RBFOX1: variants seen among roughly 807,000 people sequenced by gnomAD.
RBFOX1 encodes RNA binding fox-1 homolog 1.
Under a neutral mutation model 57.7 loss-of-function variants are expected in RBFOX1, and 8 were observed. The observed-to-expected ratio is 0.14, with a 90% CI of 0.08 to 0.25. The LOEUF is 0.25. Ranked by LOEUF, RBFOX1 falls within the 10% of genes least tolerant of loss-of-function variation. The pLI, the probability that RBFOX1 is intolerant of heterozygous loss-of-function variation, is 1.00. For synonymous variants in RBFOX1, 326 were observed against 222.4 expected (o/e 1.47, Z -4.15); for missense variants, 611 against 548.5 (o/e 1.11, Z -1.14).
chr16:7,086,166 C>A (rs1163023320), intron 4 of RBFOX1, among the ~76,000 whole-genome samples: 2 of 152,138 alleles, frequency 1.3e-5, no homozygotes, highest in Admixed American at 1.3e-4. Flanking sequence ...TACTCGCCAC[C>A]CGTCTCATGC....
intron 2 of RBFOX1, among the ~76,000 whole-genome samples, chr16:6,550,827 T>A (rs2096976758): frequency 6.6e-6 from 1 of 152,244 alleles, no homozygotes; most frequent in Admixed American, 6.5e-5. Context: ...GCACTTCACA[T>A]TGATTAGAAC....
chr16:6,415,242 C>CAAAAAA (rs57296761), intron 2 of RBFOX1, among the ~76,000 whole-genome samples: 1 of 102,070 alleles, frequency 9.8e-6, no homozygotes. Context: ...AACTCTGTCA[C>CAAAAAA]AAAAAAAAAA....
At chr16:6,665,232 A>G (rs778038392) in intron 3 of RBFOX1, among the ~76,000 whole-genome samples, 1 of 145,564 alleles carries the variant, frequency 6.9e-6, no homozygotes, top group Non-Finnish European at 1.6e-5. Flanking sequence ...TCACTTAGCT[A>G]TAAAGGGCGA....
In RBFOX1 at chr16:6,063,578, C is replaced by T. The variant is rs184665945; in HGVS notation, c.-127+43586C>T. Among the ~76,000 whole-genome samples the T allele has an allele frequency of 1.1e-3, 167 of 152,002 alleles. 1 individual carries two copies. Among genetic ancestry groups the T allele is most frequent in the African/African-American group, 3.4e-3 (143 of 41,458 alleles). ...CTGTTAACACCCACCACCAAAACTA[C>T]ATCCTGGGTCCTCTCCACACTGCAG... On this transcript the variant is annotated intron_variant, in intron 1 of 15. Coordinates refer to ENST00000550418, the MANE Select transcript of RBFOX1 (RefSeq NM_018723.4).
At chr16:6,748,427 G>A (rs942223329) in intron 3 of RBFOX1, among the ~76,000 whole-genome samples, 15 of 152,092 alleles carry the variant, frequency 9.9e-5, no homozygotes, top group Admixed American at 3.9e-4. Flanking sequence ...TTGGAAGGCC[G>A]AGGCAGGAGG....
chr16:6,934,181 A>T (rs1169310905), intron 3 of RBFOX1, among the ~76,000 whole-genome samples: 1 of 152,110 alleles, frequency 6.6e-6, no homozygotes, highest in Non-Finnish European at 1.5e-5. Context: ...GTATGTGCAT[A>T]CCTAGCTGCA....
intron 3 of RBFOX1, among the ~76,000 whole-genome samples, chr16:6,925,518 T>TC (rs1243803064): frequency 6.6e-6 from 1 of 150,800 alleles, no homozygotes; most frequent in African/African-American, 2.5e-5. Context: ...AATGTAAATT[T>TC]CCGGGGGGGC....
intron 4 of RBFOX1, among the ~76,000 whole-genome samples, chr16:5,930,946 G>A: frequency 7.0e-6 from 1 of 143,058 alleles, no homozygotes; most frequent in Non-Finnish European, 1.5e-5. Context: ...GGGTAGGTGG[G>A]TGGGTGGGAG....
At chr16:7,405,077 G>C (rs2098315279) in intron 4 of RBFOX1, among the ~76,000 whole-genome samples, 1 of 152,236 alleles carries the variant, frequency 6.6e-6, no homozygotes, top group African/African-American at 2.4e-5. Context: ...GGCAGTGCAT[G>C]CTTGCCAGGT....
chr16:6,648,068 C>A (rs964937870), intron 2 of RBFOX1, among the ~76,000 whole-genome samples: 1 of 152,136 alleles, frequency 6.6e-6, no homozygotes, highest in Non-Finnish European at 1.5e-5. Flanking sequence ...GTCTCAAACT[C>A]CTGGCCTCAA....
At chr16:6,402,094 G>GAAA (rs199794236) in intron 2 of RBFOX1, among the ~76,000 whole-genome samples, 8 of 98,418 alleles carry the variant, frequency 8.1e-5, no homozygotes, top group East Asian at 5.1e-4. Context: ...GAAGAAAACA[G>GAAA]AAAAAAAAAA....
chr16:5,513,437 G>A (rs1341019469), intron 2 of RBFOX1, among the ~76,000 whole-genome samples: 1 of 152,134 alleles, frequency 6.6e-6, no homozygotes, highest in East Asian at 1.9e-4. Flanking sequence ...TTGATCACCT[G>A]CCTGAAGCTG....
chr16:6,883,427 G>T (rs537301813), intron 3 of RBFOX1, among the ~76,000 whole-genome samples: 33 of 152,246 alleles, frequency 2.2e-4, no homozygotes, highest in African/African-American at 7.5e-4. Flanking sequence ...TAATGTGTTG[G>T]TTCATAGACA....
chr16:7,695,245 GGA>G (rs1241494930), intron 14 of RBFOX1, among the ~76,000 whole-genome samples: 1 of 152,108 alleles, frequency 6.6e-6, no homozygotes, highest in African/African-American at 2.4e-5. Context: ...GCATGAAAAA[GGA>G]GACACCCATA....
At chr16:6,673,964 A>G (rs1290901964) in intron 3 of RBFOX1, among the ~76,000 whole-genome samples, 1 of 152,176 alleles carries the variant, frequency 6.6e-6, no homozygotes, top group Non-Finnish European at 1.5e-5. Flanking sequence ...AGAACAAAGG[A>G]AGGAGACTCT....
chr16:7,012,918 G>T (rs1480253062), intron 3 of RBFOX1, among the ~76,000 whole-genome samples: 1 of 152,112 alleles, frequency 6.6e-6, no homozygotes, highest in Non-Finnish European at 1.5e-5. Context: ...TGCCAAGATG[G>T]TCAGGTCCTG....
chr16:6,492,426 G>T (rs992364610), intron 2 of RBFOX1, among the ~76,000 whole-genome samples: 2 of 152,224 alleles, frequency 1.3e-5, no homozygotes, highest in African/African-American at 4.8e-5. Context: ...AAATTTGCCA[G>T]GCTTGGTGGC....
At chr16:7,685,348 T>C (rs17766853) in intron 14 of RBFOX1, among the ~76,000 whole-genome samples, 19,086 of 152,168 alleles carry the variant, frequency 0.13, 1,526 homozygotes, top group Middle Eastern at 0.18. Flanking sequence ...GCTGAGTGAC[T>C]TCTTCCCTCT....
rs566051556 is a variant in RBFOX1, at chr16:6,930,257, C to T, written c.-15-121800C>T. Reference sequence around the variant, plus strand: ...AAAAGCAAACAAGCTGACTCAAAACCGAGCAGAGGATTTGAATAGACGTGT... The same window carrying T: ...AAAAGCAAACAAGCTGACTCAAAACTGAGCAGAGGATTTGAATAGACGTGT... On this transcript the variant is annotated intron_variant, in intron 3 of 15. Transcript: ENST00000550418. Among the ~76,000 whole-genome samples the T allele has an allele frequency of 9.2e-5, 14 of 152,220 alleles. No homozygotes were observed. In the East Asian group the frequency reaches 2.3e-3, roughly 25 times the overall value.
Sources: allele counts gnomAD v4.1 joint callset (sites outside exome capture counted in the v4.1 genomes callset), GRCh38; gene constraint gnomAD v4.1.1; transcripts MANE v1.5; gene names NCBI Gene and HGNC (gene_info 2026-07-23, HGNC 2026-07-21).